AGAP1: variants seen among roughly 807,000 people sequenced by gnomAD.
AGAP1 encodes the protein arf-GAP with GTPase, ANK repeat and PH domain-containing protein 1.
AGAP1 carries 29 observed loss-of-function variants against 105.3 expected under a neutral mutation model. The ratio of observed to expected loss-of-function variants is 0.28; its 90% CI spans 0.21 to 0.38. The LOEUF (loss-of-function observed/expected upper bound fraction) is 0.38. Among genes scored for constraint, AGAP1 ranks in the 10% least tolerant of loss-of-function variants. The pLI is 1.00. For synonymous variants in AGAP1, 509 were observed against 485.9 expected, an observed-to-expected ratio of 1.05 and a Z score of -0.63; for missense variants, 998 against 1,165.1, an observed-to-expected ratio of 0.86 and a Z score of 2.09.
At chr2:235,592,512 C>T (rs759939195) in intron 1 of AGAP1, among the ~76,000 whole-genome samples, 13 of 152,072 alleles carry the variant, frequency 8.5e-5, no homozygotes, top group African/African-American at 2.7e-4. Context: ...GGGCTGACTC[C>T]GGGCTTGCGG....
rs1217718964 is a variant in AGAP1, at chr2:235,957,394, A to G, written c.1484-11068A>G. On this transcript the variant is annotated intron_variant, in intron 12 of 17. Transcript: ENST00000304032. This position sits in a 1 kb window ranked among gnomAD's most constrained non-coding sequence, Gnocchi z 4.6. ...CTCCCCGTTTTTATAACTCAGTCTA[A>G]CACTGTGTTGTCTTTTCCTTTCGCC... Among the ~76,000 whole-genome samples, 7 of 152,088 alleles carry G rather than the reference A, an allele frequency of 4.6e-5. No homozygotes were observed. The highest frequency in any genetic ancestry group is 8.8e-5 in the Non-Finnish European group (6 of 68,016).
At chr2:235,512,336 C>G (rs896894682) in intron 1 of AGAP1, among the ~76,000 whole-genome samples, 1 of 152,162 alleles carries the variant, frequency 6.6e-6, no homozygotes, top group Non-Finnish European at 1.5e-5. Flanking sequence ...TTGGCTCACA[C>G]CTGTGATCCC....
At position 236,042,270 on chromosome 2, in the gene AGAP1, G is replaced by A. The variant is rs1195430473; in HGVS notation, c.1891+1429G>A. On this transcript the variant is annotated intron_variant, in intron 15 of 17. Coordinates refer to ENST00000304032, the MANE Select transcript of AGAP1 (RefSeq NM_001037131.3). The surrounding 1 kb of genome is among the most constrained non-coding windows in gnomAD (Gnocchi z 5.6). The stretch of plus-strand genomic sequence containing the variant: ...GCTCCAGACAAAAGGGAAAGGAAGC[G>A]CCCCCTCCAAGAGTCCACTCAGCAG... Among the ~76,000 whole-genome samples, 3 of 152,040 alleles carry A rather than the reference G, an allele frequency of 2.0e-5. No individual in the cohort carries two copies. Among genetic ancestry groups the A allele is most frequent in the South Asian group, 2.1e-4 (1 of 4,816 alleles).
chr2:235,848,259 G>A (rs1036267797), intron 9 of AGAP1, among the ~76,000 whole-genome samples: 5 of 152,156 alleles, frequency 3.3e-5, no homozygotes, highest in South Asian at 4.2e-4. Flanking sequence ...GCATCTGTCC[G>A]TCCACCTATT....
At chr2:235,731,073 T>A (rs1006376078) in intron 3 of AGAP1, among the ~76,000 whole-genome samples, 1 of 152,222 alleles carries the variant, frequency 6.6e-6, no homozygotes, top group Non-Finnish European at 1.5e-5. Context: ...CTTGTCTTGT[T>A]CACCCTATTC....
chr2:235,755,856 T>G (rs1274410606), intron 6 of AGAP1, among the ~76,000 whole-genome samples: 1 of 152,178 alleles, frequency 6.6e-6, no homozygotes, highest in African/African-American at 2.4e-5. Context: ...GGGACTGTAG[T>G]CAGGTCTCCG....
intron 9 of AGAP1, among the ~76,000 whole-genome samples, chr2:235,836,344 G>A (rs1372942641): frequency 6.6e-6 from 1 of 152,166 alleles, no homozygotes; most frequent in Non-Finnish European, 1.5e-5. Flanking sequence ...GCAGGTGGCC[G>A]GGAGTGCTGG....
chr2:236,060,625 G>T (rs531820271), intron 16 of AGAP1, among the ~76,000 whole-genome samples: 3 of 151,642 alleles, frequency 2.0e-5, no homozygotes, highest in African/African-American at 7.3e-5. Context: ...AGCCTAGGAG[G>T]TCAAGGCTGC....
chr2:235,790,720 G>A (rs1388781906), intron 6 of AGAP1, among the ~76,000 whole-genome samples: 1 of 152,190 alleles, frequency 6.6e-6, no homozygotes, highest in Non-Finnish European at 1.5e-5. Context: ...CAGCCCCACT[G>A]TTGACTCATC....
At position 235,864,708 on chromosome 2, in the gene AGAP1, G is replaced by A. The variant is rs2049077686; in HGVS notation, c.1051-18637G>A. On this transcript the variant is annotated intron_variant, in intron 9 of 17. Transcript: ENST00000304032. This position sits in a 1 kb window ranked among gnomAD's most constrained non-coding sequence, Gnocchi z 5.0. ...TAATATTAACTAGAAAAATCAAGAG[G>A]GGATCTGTCAGTCCTGGTGGGAAAA... 1.3e-5 allele frequency among the ~76,000 whole-genome samples: 2 copies of A among 152,108 alleles called. No individual in the cohort carries two copies. Among genetic ancestry groups the A allele is most frequent in the Admixed American group, 6.6e-5 (1 of 15,264 alleles).
Position 235,936,642 on chromosome 2 carries a change from A to G in AGAP1, c.1483+5719A>G, listed in dbSNP as rs897110421. ...TTTTTTTTCTCTTCTTGGATATTAT[A>G]CTGACAATTTTAGTGTATGACCAGC... is the stretch of plus-strand genomic sequence containing the variant. On this transcript the variant is annotated intron_variant, in intron 12 of 17. Transcript: ENST00000304032. This position sits in a 1 kb window ranked among gnomAD's most constrained non-coding sequence, Gnocchi z 4.7. Among the ~76,000 whole-genome samples the G allele has an allele frequency of 3.9e-5, 6 of 152,056 alleles. No individual in the cohort carries two copies. Among genetic ancestry groups the G allele is most frequent in the Non-Finnish European group, 5.9e-5 (4 of 68,028 alleles).
At chr2:235,562,274 G>A (rs1045697530) in intron 1 of AGAP1, among the ~76,000 whole-genome samples, 1 of 151,972 alleles carries the variant, frequency 6.6e-6, no homozygotes, top group Admixed American at 6.6e-5. Flanking sequence ...TATTATGACT[G>A]CAATCAAGTG....
chr2:236,085,419 G>A (rs1354948215), intron 16 of AGAP1, among the ~76,000 whole-genome samples: 1 of 151,988 alleles, frequency 6.6e-6, no homozygotes, highest in Non-Finnish European at 1.5e-5. Flanking sequence ...CACTCTCTAA[G>A]GCTAGTTTTG....
At chr2:236,032,457 A>C (rs2057252540) in intron 13 of AGAP1, among the ~76,000 whole-genome samples, 1 of 152,176 alleles carries the variant, frequency 6.6e-6, no homozygotes. Context: ...GCCCATCAGC[A>C]ACGTCAGGTG....
rs113950053 is a variant in AGAP1 at position 236,092,328 on chromosome 2, G to A, written c.2115-27864G>A. 3.3e-4 allele frequency among the ~76,000 whole-genome samples: 51 copies of A among 152,288 alleles called. 1 individual carries two copies. Among genetic ancestry groups the A allele is most frequent in the African/African-American group, 1.2e-3 (49 of 41,562 alleles). On this transcript the variant is annotated intron_variant, in intron 16 of 17. Coordinates refer to ENST00000304032, the MANE Select transcript of AGAP1 (RefSeq NM_001037131.3). The surrounding 1 kb of genome is among the most constrained non-coding windows in gnomAD (Gnocchi z 4.7). ...ACATACTACAGTTTTTCAAGATACT[G>A]CCTTTGAGGGGAAACCAGGTAAGGG...
rs1038745742 is a variant in AGAP1, at chr2:235,577,772, C to G, written c.163+82923C>G. 1.3e-5 allele frequency among the ~76,000 whole-genome samples: 2 copies of G among 152,160 alleles called. No individual in the cohort carries two copies. Among genetic ancestry groups the G allele is most frequent in the Non-Finnish European group, 2.9e-5 (2 of 68,042 alleles). On this transcript the variant is annotated intron_variant, in intron 1 of 17. Transcript: ENST00000304032. This position sits in a 1 kb window ranked among gnomAD's most constrained non-coding sequence, Gnocchi z 4.5. Reference sequence around the variant, plus strand: ...CACAGGCTTGTCTGCTGGCCTCCCCCGGGAGAGAGAGTAGGTTTGCTATTC... The same window carrying G: ...CACAGGCTTGTCTGCTGGCCTCCCCGGGGAGAGAGAGTAGGTTTGCTATTC...
At chr2:235,498,237 A>G (rs561141675) in intron 1 of AGAP1, among the ~76,000 whole-genome samples, 1 of 152,258 alleles carries the variant, frequency 6.6e-6, no homozygotes, top group Admixed American at 6.5e-5. Context: ...TTGTTTTAAA[A>G]CACTAGCTTG....
chr2:235,908,710 T>C lies in AGAP1; in HGVS notation c.1156-28T>C. ...AAAAGGTCTTTTTTTTTTTTTTATCTCTCTTGGATGTTTAACATTTTCAAC... is the reference window on the plus strand; with the variant it reads ...AAAAGGTCTTTTTTTTTTTTTTATCCCTCTTGGATGTTTAACATTTTCAAC... On this transcript the variant is annotated intron_variant, in intron 10 of 17. Transcript: ENST00000304032. The surrounding 1 kb of genome is among the most constrained non-coding windows in gnomAD (Gnocchi z 4.4). 1 of 1,531,484 alleles carries C rather than the reference T, an allele frequency of 6.5e-7. No homozygotes were observed. Among genetic ancestry groups the C allele is most frequent in the Non-Finnish European group, 8.8e-7 (1 of 1,136,552 alleles). The allele number at this position is 1,531,484 out of a possible 1,614,324, so 94.9% of individuals were successfully genotyped here. A position where few individuals can be genotyped will look rare whatever the true frequency, so the allele number is the denominator to read the frequency against.
rs778309036 is a variant in AGAP1, at chr2:235,968,532, GC to G, written c.1560del (p.Ser521ProfsTer83). 2.7e-6 allele frequency: 4 copies of G among 1,466,638 alleles called. No individual in the cohort carries two copies. Among genetic ancestry groups the G allele is most frequent in the Admixed American group, 2.5e-5 (1 of 39,992 alleles). 90.9% of individuals were successfully genotyped at this position (1,466,638 alleles called of 1,614,324 possible). Reference sequence around the variant, plus strand: ...GCACCACCAGCCCCAAGCTCGACCCGCCCCCCTCCCCTCACGCCAACAGAAA... The same window carrying G: ...GCACCACCAGCCCCAAGCTCGACCCGCCCCCTCCCCTCACGCCAACAGAAA... ...SSTTSPKLDP[P>X]PSPHANRKKH... is the part of the protein sequence containing the mutation. On this transcript the variant is annotated frameshift_variant, in exon 13 of 18. Coordinates refer to ENST00000304032, the MANE Select transcript of AGAP1 (RefSeq NM_001037131.3). LOFTEE classifies it high-confidence loss of function.
Sources: allele counts gnomAD v4.1 joint callset (sites outside exome capture counted in the v4.1 genomes callset), GRCh38; gene constraint gnomAD v4.1.1; non-coding constraint Gnocchi (gnomAD v3.1); transcripts MANE v1.5; gene names NCBI Gene and HGNC (gene_info 2026-07-23, HGNC 2026-07-21).